Variants in KIF11 observed in about 807,000 individuals in gnomAD.
KIF11 encodes kinesin family member 11, also known as kinesin-like protein KIF11.
Under a neutral mutation model 121.0 loss-of-function variants are expected in KIF11, and 9 were observed. The ratio of observed to expected loss-of-function variants is 0.07; its 90% CI spans 0.04 to 0.13. The LOEUF is 0.13. KIF11 is among the 10% of genes least tolerant of loss of function. KIF11 has a pLI of 1.00. For synonymous variants in KIF11, 408 were observed against 421.0 expected (o/e 0.97, Z 0.38); for missense variants, 846 against 1,217.5 (o/e 0.69, Z 4.54).
At chr10:92,609,295 AGAGAGAGAGTGTGTGTGTGTGT>A (rs1343119883) in intron 5 of KIF11, 68 bp from the exon 6 acceptor site, 24 of 989,236 alleles carry the variant, frequency 2.4e-5, no homozygotes, top group African/African-American at 2.4e-4. Context: ...AGAGAGAGAG[AGAGAGAGAGTGTGTGTGTGTGT>A]GTGTGTGTGT....
chr10:92,622,282 A>T (rs1844626699), intron 10 of KIF11, among the ~76,000 whole-genome samples: 1 of 151,610 alleles, frequency 6.6e-6, no homozygotes, highest in Admixed American at 6.6e-5. Context: ...CTCAAAAATA[A>T]GTAAATAAAA....
At chr10:92,635,517 C>G (rs931362273) in intron 14 of KIF11, among the ~76,000 whole-genome samples, 2 of 152,164 alleles carry the variant, frequency 1.3e-5, no homozygotes, top group African/African-American at 4.8e-5. Flanking sequence ...CAGAACACAA[C>G]GTTTATCAGT....
At chr10:92,609,301 AGAGTGTGTGTGTGT>A (rs1207269479) in intron 5 of KIF11, 70 bp from the exon 6 acceptor site, 206 of 600,890 alleles carry the variant, frequency 3.4e-4, no homozygotes, top group African/African-American at 1.5e-3. Flanking sequence ...AGAGAGAGAG[AGAGTGTGTGTGTGT>A]GTGTGTGTGT....
rs1293920941 is a variant in KIF11, at chr10:92,616,714, T to C, written c.1033-23T>C. ...ATTATTCTCACAATATCTTCAGTAA[T>C]TGACCTTTCCTTTCCATGACAGGAA... On this transcript the variant is annotated intron_variant, in intron 8 of 21. Transcript: ENST00000260731. 4 of 1,260,186 alleles carry C rather than the reference T, an allele frequency of 3.2e-6. No individual in the cohort carries two copies. The South Asian group carries it at 3.7e-5, about 12-fold the overall frequency. The allele number at this position is 1,260,186 out of a possible 1,614,324, so 78.1% of individuals were successfully genotyped here. A position where few individuals can be genotyped will look rare whatever the true frequency, so the allele number is the denominator to read the frequency against.
At chr10:92,596,097 G>A (rs761445494) in intron 1 of KIF11, among the ~76,000 whole-genome samples, 3 of 152,080 alleles carry the variant, frequency 2.0e-5, no homozygotes, top group Admixed American at 6.6e-5. Context: ...TCCATCTCCC[G>A]GGTTCACGCC....
At chr10:92,648,912 G>C (rs1441406603) in intron 19 of KIF11, among the ~76,000 whole-genome samples, 1 of 152,136 alleles carries the variant, frequency 6.6e-6, no homozygotes, top group African/African-American at 2.4e-5. Flanking sequence ...CATTTTGAGA[G>C]ATCACATATG....
intron 21 of KIF11, among the ~76,000 whole-genome samples, chr10:92,651,502 A>ATTTTTTT (rs1343216900): frequency 3.7e-4 from 8 of 21,560 alleles, no homozygotes; most frequent in Admixed American, 6.4e-4. Flanking sequence ...TGCCTGGCTA[A>ATTTTTTT]TTTTGTTTTT....
At chr10:92,650,707 A>G (rs377270196) in intron 21 of KIF11, among the ~76,000 whole-genome samples, 190 bp downstream of exon 21, 12 of 152,308 alleles carry the variant, frequency 7.9e-5, no homozygotes, top group African/African-American at 2.4e-4. Flanking sequence ...TGTAGAATAA[A>G]TGAAGGCAGA....
At chr10:92,640,147 A>T (rs947081952) in intron 17 of KIF11, among the ~76,000 whole-genome samples, 3 of 152,176 alleles carry the variant, frequency 2.0e-5, no homozygotes, top group Non-Finnish European at 4.4e-5. Flanking sequence ...GAATTTCCTC[A>T]ATCTTAGAAA....
chr10:92,607,069 G>T (rs1291138979), intron 3 of KIF11, 90 bp from the exon 4 acceptor site: 22 of 769,790 alleles, frequency 2.9e-5, no homozygotes, highest in Non-Finnish European at 4.4e-5. Flanking sequence ...GAGCCACTGT[G>T]CCTGGCTTGT....
In KIF11 at chr10:92,606,672, A is replaced by G. The variant is rs759755762; in HGVS notation, c.264A>G (p.Pro88=). 4.4e-6 allele frequency: 7 copies of G among 1,594,328 alleles called. No homozygotes were observed. Among genetic ancestry groups the G allele is most frequent in the African/African-American group, 4.0e-5 (3 of 74,362 alleles). The change falls in exon 3 of 22, where the codon CCA becomes CCG. Residue 88 remains proline, a synonymous_variant. Transcript: ENST00000260731. ...ATGTTTACCGAAGTGTTGTTTGTCCAATTCTGGATGAAGTTATTATGGGCT... is the reference window on the plus strand; with the variant it reads ...ATGTTTACCGAAGTGTTGTTTGTCCGATTCTGGATGAAGTTATTATGGGCT... ...QIDVYRSVVC[P]ILDEVIMGYN...
chr10:92,629,626 T>G (rs1217117618), intron 11 of KIF11, among the ~76,000 whole-genome samples: 1 of 147,602 alleles, frequency 6.8e-6, no homozygotes, highest in African/African-American at 2.7e-5. Context: ...TTTTTAATTA[T>G]TTTTTAGAGA....
At chr10:92,608,123 AT>A (rs1164736746) in intron 4 of KIF11, among the ~76,000 whole-genome samples, 4 of 150,038 alleles carry the variant, frequency 2.7e-5, no homozygotes, top group Admixed American at 6.7e-5. Context: ...AAAAAAAAGA[AT>A]TTTTTTTAAT....
intron 1 of KIF11, among the ~76,000 whole-genome samples, chr10:92,598,003 T>G (rs1000867146): frequency 6.6e-6 from 1 of 152,116 alleles, no homozygotes; most frequent in Non-Finnish European, 1.5e-5. Context: ...CCCAGACTTG[T>G]TGTGAACTCC....
chr10:92,642,106 A>G lies in KIF11; in HGVS notation c.2267+2206A>G, dbSNP rs373662775. 4.2e-4 allele frequency among the ~76,000 whole-genome samples: 64 copies of G among 152,128 alleles called. 1 individual carries two copies. In the East Asian group the frequency reaches 0.01, roughly 24 times the overall value. ...GGCTGCTTTAAAATCCTTGCCAGAC[A>G]ATTCCAACATCTGAGTTTTCTTGTT... On this transcript the variant is annotated intron_variant, in intron 17 of 21. Transcript: ENST00000260731.
At chr10:92,612,506 T>C (rs768970825) in intron 6 of KIF11, among the ~76,000 whole-genome samples, 2 of 152,196 alleles carry the variant, frequency 1.3e-5, no homozygotes, top group Non-Finnish European at 2.9e-5. Flanking sequence ...TATCTTGTAG[T>C]GTTTTAGTAA....
intron 3 of KIF11, 138 bp from the exon 4 acceptor site, chr10:92,607,021 C>T: frequency 8.1e-6 from 5 of 618,356 alleles, no homozygotes; most frequent in South Asian, 4.0e-5. Context: ...AGGTGATCCG[C>T]CCACCTCGGC....
chr10:92,603,406 ATT>A (rs879416329), intron 1 of KIF11, among the ~76,000 whole-genome samples: 2 of 141,374 alleles, frequency 1.4e-5, no homozygotes, highest in Admixed American at 7.1e-5. Context: ...TGCCTGGCTA[ATT>A]TTTTTTTTTT....
At chr10:92,604,235 T>C (rs747601526) in intron 1 of KIF11, among the ~76,000 whole-genome samples, 3 of 152,188 alleles carry the variant, frequency 2.0e-5, no homozygotes, top group Admixed American at 6.5e-5. Flanking sequence ...CTAAAGCTTC[T>C]CTGAGAATTT....
Sources: gnomAD v4.1 joint callset for allele counts (sites outside exome capture counted in the v4.1 genomes callset) on GRCh38, gnomAD v4.1.1 for gene constraint, MANE v1.5 for transcripts, NCBI Gene and HGNC (gene_info 2026-07-23, HGNC 2026-07-21) for gene names.